TMEM202: variants seen among roughly 807,000 people sequenced by gnomAD.
The protein encoded by TMEM202 is transmembrane protein 202.
Under a neutral mutation model 26.1 loss-of-function variants are expected in TMEM202, and 25 were observed. The ratio of observed to expected loss-of-function variants is 0.96; its 90% CI spans 0.70 to 1.34. The LOEUF (loss-of-function observed/expected upper bound fraction) is 1.34. Among genes scored for constraint, TMEM202 ranks in the 40% most tolerant of loss-of-function variants. The probability of loss-of-function intolerance (pLI) is 0.00; values close to 1 mark genes in which losing one functional copy is unlikely to be tolerated. For missense variants in TMEM202, 301 were observed against 327.7 expected (o/e 0.92, Z 0.63); for synonymous variants, 122 against 119.0 (o/e 1.02, Z -0.16).
chr15:72,402,689 T>C (rs1277357973), intron 2 of TMEM202, among the ~76,000 whole-genome samples: 1 of 152,114 alleles, frequency 6.6e-6, no homozygotes, highest in East Asian at 1.9e-4. Flanking sequence ...GTTTGAACTG[T>C]TTTGCAGAGC....
In TMEM202 at chr15:72,398,570, A is replaced by G. The variant is rs889305005; in HGVS notation, c.82-83A>G. 4.6e-6 allele frequency: 7 copies of G among 1,538,440 alleles called. No individual in the cohort carries two copies. In the African/African-American group the frequency reaches 9.7e-5, roughly 21 times the overall value. ...ATCTATAAATCAAACACACATGGGA[A>G]TGCTTGAGGTAGAGAAGAGCGGGTG... On this transcript the variant is annotated intron_variant, in intron 1 of 4. Coordinates refer to ENST00000341689, the MANE Select transcript of TMEM202 (RefSeq NM_001080462.3).
chr15:72,407,042 C>T (rs568655605), intron 3 of TMEM202, 44 bp from the exon 4 acceptor site: 1 of 1,605,952 alleles, frequency 6.2e-7, no homozygotes, highest in East Asian at 2.2e-5. Flanking sequence ...GGAAGACAGA[C>T]TGAAGATGCT....
intron 1 of TMEM202, 27 bp downstream of exon 1, chr15:72,398,434 G>C: frequency 6.3e-7 from 1 of 1,579,414 alleles, no homozygotes; most frequent in Non-Finnish European, 8.6e-7. Context: ...TTGAAAGTCA[G>C]ATGGGAAGAA....
At chr15:72,403,185 C>T (rs2063555770) in intron 2 of TMEM202, among the ~76,000 whole-genome samples, 1 of 152,150 alleles carries the variant, frequency 6.6e-6, no homozygotes, top group African/African-American at 2.4e-5. Context: ...TGCCACAGAA[C>T]ACTACTGCTT....
intron 2 of TMEM202, 70 bp downstream of exon 2, chr15:72,398,978 C>A: frequency 6.5e-7 from 1 of 1,537,966 alleles, no homozygotes; most frequent in South Asian, 1.2e-5. Flanking sequence ...ACAAATTGGC[C>A]CTTCATGTTT....
chr15:72,398,968 A>C lies in TMEM202; in HGVS notation c.337+60A>C. On this transcript the variant is annotated intron_variant, in intron 2 of 4. Transcript: ENST00000341689. ...CACAATTGCAGAGCTTTCTGCTCAC[A>C]CAAATTGGCCCTTCATGTTTCTTCC... is the stretch of plus-strand genomic sequence containing the variant. 3.9e-6 allele frequency: 6 copies of C among 1,556,086 alleles called. No individual in the cohort carries two copies. In the South Asian group the frequency reaches 7.1e-5, roughly 18 times the overall value.
At position 72,398,758 on chromosome 15, in the gene TMEM202, C is replaced by T. The variant is rs2063533991; in HGVS notation, c.187C>T (p.Leu63Phe). The change falls in exon 2 of 5, where the codon CTC (leucine) becomes TTC (phenylalanine). Residue 63 changes from leucine (L) to phenylalanine (F), a missense_variant. By Grantham distance (22) the Leu-to-Phe change is conservative. Transcript: ENST00000341689. Reference sequence around the variant, plus strand: ...CTACATCCGAACGCTCTGTGGCAGCCTCTGTAGTTTTAGCCTCCTAATGCT... The same window carrying T: ...CTACATCCGAACGCTCTGTGGCAGCTTCTGTAGTTTTAGCCTCCTAATGCT... ...HIYIRTLCGS[L>F]CSFSLLMLIA... 6.2e-7 allele frequency: 1 copy of T among 1,614,182 alleles called. No individual in the cohort carries two copies. The highest frequency in any genetic ancestry group is 1.3e-5 in the African/African-American group (1 of 75,048).
At chr15:72,404,351 G>A (rs566097487) in intron 2 of TMEM202, among the ~76,000 whole-genome samples, 31 of 152,146 alleles carry the variant, frequency 2.0e-4, no homozygotes, top group African/African-American at 6.3e-4. Context: ...GGAGTTGGAG[G>A]CTGCAGTGAG....
chr15:72,398,536 G>A (rs2063532296), intron 1 of TMEM202, 117 bp from the exon 2 acceptor site: 1 of 1,441,066 alleles, frequency 6.9e-7, no homozygotes, highest in Non-Finnish European at 9.3e-7. Flanking sequence ...TTTAGGAGTA[G>A]GGAAAAATAT....
chr15:72,402,624 C>G (rs924678546), intron 2 of TMEM202, among the ~76,000 whole-genome samples: 7 of 152,266 alleles, frequency 4.6e-5, no homozygotes, highest in African/African-American at 1.2e-4. Context: ...GTTATTTTCC[C>G]ATAGCACTGG....
At chr15:72,406,131 A>G (rs1226217171) in intron 2 of TMEM202, among the ~76,000 whole-genome samples, 2 of 152,096 alleles carry the variant, frequency 1.3e-5, no homozygotes, top group East Asian at 1.9e-4. Context: ...AAATCACATC[A>G]TATATTCTTA....
At chr15:72,401,381 A>G (rs1595824338) in intron 2 of TMEM202, among the ~76,000 whole-genome samples, 1 of 152,014 alleles carries the variant, frequency 6.6e-6, no homozygotes, top group East Asian at 1.9e-4. Flanking sequence ...CTGTCTCTAC[A>G]AAAAATACAA....
chr15:72,407,298 A>G (rs745339025), intron 4 of TMEM202, 81 bp downstream of exon 4: 273 of 1,482,014 alleles, frequency 1.8e-4, no homozygotes, highest in Non-Finnish European at 2.4e-4. Context: ...CAGGAGAAAT[A>G]GAAGCACTGA....
intron 2 of TMEM202, among the ~76,000 whole-genome samples, chr15:72,401,554 A>G (rs2063547754): frequency 6.6e-6 from 1 of 152,088 alleles, no homozygotes; most frequent in Admixed American, 6.5e-5. Context: ...AAAAAGAAAA[A>G]AATTAATACA....
intron 2 of TMEM202, among the ~76,000 whole-genome samples, chr15:72,400,587 T>G (rs2140355936): frequency 6.6e-6 from 1 of 152,288 alleles, no homozygotes; most frequent in Middle Eastern, 3.4e-3. Context: ...AGGCTAAAAT[T>G]TCATCCTTAA....
chr15:72,407,518 AG>A (rs2063578266), intron 4 of TMEM202, among the ~76,000 whole-genome samples, 172 bp from the exon 5 acceptor site: 1 of 152,194 alleles, frequency 6.6e-6, no homozygotes, highest in Non-Finnish European at 1.5e-5. Context: ...AATCAGTCTG[AG>A]AAATATTATA....
chr15:72,406,852 C>T lies in TMEM202; in HGVS notation c.487+101C>T, dbSNP rs190721984. 2.9e-6 allele frequency: 4 copies of T among 1,364,392 alleles called. No homozygotes were observed. The East Asian group carries it at 9.2e-5, about 31-fold the overall frequency. 84.5% of individuals were successfully genotyped at this position (1,364,392 alleles called of 1,614,324 possible). On this transcript the variant is annotated intron_variant, in intron 3 of 4. Transcript: ENST00000341689. ...ATACTCTTTTTCTTATCTCTTTGCT[C>T]TTCTTCAGTATCACACCAACTTGCC...
intron 2 of TMEM202, among the ~76,000 whole-genome samples, chr15:72,399,124 G>A (rs1432013792): frequency 1.3e-5 from 2 of 152,082 alleles, no homozygotes; most frequent in African/African-American, 4.8e-5. Context: ...CTCTTTATGG[G>A]AAGAACTGTT....
chr15:72,406,287 C>G (rs975489038), intron 2 of TMEM202, among the ~76,000 whole-genome samples: 1 of 151,882 alleles, frequency 6.6e-6, no homozygotes, highest in East Asian at 1.9e-4. Flanking sequence ...CTTTTGAATA[C>G]TTATGTTGAA....
Sources: gnomAD v4.1 joint callset for allele counts (sites outside exome capture counted in the v4.1 genomes callset) on GRCh38, gnomAD v4.1.1 for gene constraint, MANE v1.5 for transcripts, NCBI Gene and HGNC (gene_info 2026-07-23, HGNC 2026-07-21) for gene names.